SDK1: variants seen among roughly 807,000 people sequenced by gnomAD.
SDK1 encodes protein sidekick-1.
A neutral mutation model predicts 245.5 loss-of-function variants in SDK1; 157 were observed. The ratio of observed to expected loss-of-function variants is 0.64; its 90% CI spans 0.56 to 0.73. The LOEUF (loss-of-function observed/expected upper bound fraction) is 0.73. Ranked by LOEUF, SDK1 falls within the 30% of genes least tolerant of loss-of-function variation. The pLI is 0.00. For synonymous variants in SDK1, 1,647 were observed against 1,278.5 expected, an observed-to-expected ratio of 1.29 and a Z score of -6.15; for missense variants, 3,583 against 3,002.3, an observed-to-expected ratio of 1.19 and a Z score of -4.52.
At position 3,908,274 on chromosome 7, in the gene SDK1, G is replaced by A. The variant is rs537441841; in HGVS notation, c.848-42649G>A. Among the ~76,000 whole-genome samples the A allele has an allele frequency of 3.9e-5, 6 of 152,314 alleles. No individual in the cohort carries two copies. In the East Asian group the frequency reaches 1.2e-3, roughly 29 times the overall value. On this transcript the variant is annotated intron_variant, in intron 5 of 44. Transcript: ENST00000404826. ...AACAGTGAACACTCACTGAAGTTCT[G>A]TCATGGGATGGAAAATTCATTGCAC...
At chr7:3,530,790 G>A (rs576573356) in intron 1 of SDK1, among the ~76,000 whole-genome samples, 3 of 152,250 alleles carry the variant, frequency 2.0e-5, no homozygotes, top group African/African-American at 7.2e-5. Context: ...AGTTACTAGT[G>A]AGTCTTTGAA....
At chr7:3,960,858 A>T (rs1781621487) in intron 8 of SDK1, among the ~76,000 whole-genome samples, 1 of 152,108 alleles carries the variant, frequency 6.6e-6, no homozygotes. Flanking sequence ...AAGGCCAACA[A>T]CTCTGTGAAT....
At chr7:4,135,661 TC>T (rs1779030888) in intron 28 of SDK1, among the ~76,000 whole-genome samples, 1 of 152,208 alleles carries the variant, frequency 6.6e-6, no homozygotes, top group African/African-American at 2.4e-5. Flanking sequence ...TTCTTAGCAT[TC>T]CCATGCCTCA....
At chr7:3,591,993 T>G (rs1253428403) in intron 1 of SDK1, among the ~76,000 whole-genome samples, 1 of 152,182 alleles carries the variant, frequency 6.6e-6, no homozygotes, top group Non-Finnish European at 1.5e-5. Context: ...TACAGATAGT[T>G]CTATACAGAA....
At chr7:3,481,554 A>G (rs935506367) in intron 1 of SDK1, among the ~76,000 whole-genome samples, 2 of 152,222 alleles carry the variant, frequency 1.3e-5, no homozygotes, top group African/African-American at 4.8e-5. Flanking sequence ...ACGAGGGCAA[A>G]GAATTAGGTC....
chr7:3,961,147 A>G (rs1015544594), intron 8 of SDK1, among the ~76,000 whole-genome samples: 3 of 152,268 alleles, frequency 2.0e-5, no homozygotes, highest in East Asian at 1.9e-4. Context: ...CACTGCTGTC[A>G]TATAATTTAC....
intron 1 of SDK1, among the ~76,000 whole-genome samples, chr7:3,478,249 A>T (rs1430013327): frequency 1.3e-5 from 2 of 152,126 alleles, no homozygotes; most frequent in Admixed American, 1.3e-4. Flanking sequence ...TGTTTTATGA[A>T]ATAACTTCTT....
At chr7:3,920,972 A>G (rs569838623) in intron 5 of SDK1, among the ~76,000 whole-genome samples, 20 of 152,368 alleles carry the variant, frequency 1.3e-4, no homozygotes, top group East Asian at 9.6e-4. Context: ...ATGAAAGCCA[A>G]CATAGAAACA....
rs192248808 is a variant in SDK1 at position 3,942,683 on chromosome 7, C to A, written c.848-8240C>A. Among the ~76,000 whole-genome samples the A allele has an allele frequency of 1.9e-3, 293 of 152,256 alleles. 3 individuals carry two copies. Among genetic ancestry groups the A allele is most frequent in the African/African-American group, 6.6e-3 (276 of 41,530 alleles). On this transcript the variant is annotated intron_variant, in intron 5 of 44. Coordinates refer to ENST00000404826, the MANE Select transcript of SDK1 (RefSeq NM_152744.4). ...AGTTTTCAGATGGTCCTGTAGACCC[C>A]CTTACCTGCTGGTTTTTTGGTGGAA...
intron 4 of SDK1, among the ~76,000 whole-genome samples, chr7:3,761,606 T>C (rs1421113857): frequency 7.0e-6 from 1 of 143,438 alleles, no homozygotes; most frequent in Non-Finnish European, 1.5e-5. Flanking sequence ...AGGATGAAGG[T>C]AGGGAAAAAA....
intron 13 of SDK1, among the ~76,000 whole-genome samples, chr7:3,985,799 G>A (rs893968745): frequency 7.2e-5 from 11 of 152,150 alleles, no homozygotes; most frequent in African/African-American, 2.7e-4. Flanking sequence ...GTGCGTATGG[G>A]TTAGAGCTGT....
chr7:3,899,777 C>G (rs980200019), intron 5 of SDK1, among the ~76,000 whole-genome samples: 1 of 152,214 alleles, frequency 6.6e-6, no homozygotes, highest in Non-Finnish European at 1.5e-5. Context: ...TCAGATATCT[C>G]CACGCATCCC....
chr7:4,056,460 A>G (rs1456055617), intron 19 of SDK1, among the ~76,000 whole-genome samples: 1 of 152,286 alleles, frequency 6.6e-6, no homozygotes, highest in African/African-American at 2.4e-5. Flanking sequence ...CTGGAATTCA[A>G]TAGAGAAGTG....
At position 4,193,396 on chromosome 7, in the gene SDK1, A is replaced by G. The variant is rs945799340; in HGVS notation, c.5099-12483A>G. On this transcript the variant is annotated intron_variant, in intron 35 of 44. Coordinates refer to ENST00000404826, the MANE Select transcript of SDK1 (RefSeq NM_152744.4). Reference sequence around the variant, plus strand: ...TTTATATATATATATATATATATATATAAAGGGGAGTTTATTAAATATTAA... The same window carrying G: ...TTTATATATATATATATATATATATGTAAAGGGGAGTTTATTAAATATTAA... 1.7e-3 allele frequency among the ~76,000 whole-genome samples: 150 copies of G among 87,530 alleles called. 1 individual carries two copies. Among genetic ancestry groups the G allele is most frequent in the African/African-American group, 6.0e-3 (134 of 22,150 alleles). 57.4% of individuals were successfully genotyped at this position (87,530 alleles called of 152,430 possible).
chr7:3,367,997 A>T (rs1781133608), intron 1 of SDK1, among the ~76,000 whole-genome samples: 1 of 152,236 alleles, frequency 6.6e-6, no homozygotes, highest in Non-Finnish European at 1.5e-5. Flanking sequence ...TTGCAGAAAG[A>T]CTGTGAAAAA....
intron 20 of SDK1, among the ~76,000 whole-genome samples, chr7:4,075,377 T>G (rs1019417640): frequency 1.3e-5 from 2 of 152,208 alleles, no homozygotes; most frequent in Admixed American, 6.5e-5. Flanking sequence ...TCCTCTAAAT[T>G]CTTGTTTACC....
chr7:4,125,585 C>T (rs895955737), intron 25 of SDK1, among the ~76,000 whole-genome samples: 1 of 152,124 alleles, frequency 6.6e-6, no homozygotes, highest in Admixed American at 6.5e-5. Flanking sequence ...CGCAAGTGTT[C>T]CTGCTACAGA....
chr7:3,462,330 T>TC (rs1430865436), intron 1 of SDK1, among the ~76,000 whole-genome samples: 1 of 151,898 alleles, frequency 6.6e-6, no homozygotes, highest in African/African-American at 2.4e-5. Context: ...CTTTCTCTCT[T>TC]CCCCCCTGCC....
intron 5 of SDK1, among the ~76,000 whole-genome samples, chr7:3,937,803 C>T (rs537145151): frequency 3.9e-5 from 6 of 152,244 alleles, no homozygotes; most frequent in African/African-American, 7.2e-5. Context: ...GCTCCACGCC[C>T]GGGCTTGCAT....
Sources: allele counts gnomAD v4.1 joint callset (sites outside exome capture counted in the v4.1 genomes callset), GRCh38; gene constraint gnomAD v4.1.1; transcripts MANE v1.5; gene names NCBI Gene and HGNC (gene_info 2026-07-23, HGNC 2026-07-21).